The following DNAI4 variants were observed in gnomAD, a reference collection of about 807,000 sequenced individuals.
DNAI4 encodes dynein axonemal intermediate chain 4.
DNAI4 carries 85 observed loss-of-function variants against 105.8 expected under a neutral mutation model. That is an observed-to-expected ratio of 0.80 (90% CI 0.67 to 0.96). DNAI4 has a LOEUF of 0.96. Among genes scored for constraint, DNAI4 ranks in the 40% least tolerant of loss-of-function variants. The pLI is 0.00. For missense variants in DNAI4, 1,014 were observed against 1,005.6 expected (o/e 1.01, Z -0.11); for synonymous variants, 352 against 331.5 (o/e 1.06, Z -0.67).
chr1:66,888,518 C>T (rs544820669), intron 4 of DNAI4, among the ~76,000 whole-genome samples: 1 of 152,230 alleles, frequency 6.6e-6, no homozygotes, highest in East Asian at 1.9e-4. Flanking sequence ...CATGGTGAAA[C>T]CCCGTCTCTA....
At chr1:66,880,120 C>T (rs955147060) in intron 4 of DNAI4, among the ~76,000 whole-genome samples, 20 of 152,336 alleles carry the variant, frequency 1.3e-4, no homozygotes, top group Admixed American at 1.3e-3. Flanking sequence ...TCATCCTTGC[C>T]TTCTGGCATG....
chr1:66,838,299 A>G (rs1056577043), intron 9 of DNAI4, among the ~76,000 whole-genome samples: 2 of 152,184 alleles, frequency 1.3e-5, no homozygotes, highest in African/African-American at 4.8e-5. Flanking sequence ...ATGGGGTCCT[A>G]ATGTGACAGG....
chr1:66,893,057 G>GAAAGAAAA (rs1557965213), intron 3 of DNAI4, among the ~76,000 whole-genome samples, 172 bp downstream of exon 3: 1 of 91,340 alleles, frequency 1.1e-5, no homozygotes, highest in Non-Finnish European at 2.3e-5. Flanking sequence ...GAAAGAAAGA[G>GAAAGAAAA]AGAGAGAGAA....
At chr1:66,852,148 A>G (rs1009915729) in intron 7 of DNAI4, among the ~76,000 whole-genome samples, 4 of 151,864 alleles carry the variant, frequency 2.6e-5, no homozygotes, top group Non-Finnish European at 5.9e-5. Flanking sequence ...ACTTAGATAA[A>G]ATAAACCAAT....
intron 6 of DNAI4, among the ~76,000 whole-genome samples, chr1:66,868,942 G>T (rs1646785581): frequency 6.6e-6 from 1 of 151,774 alleles, no homozygotes; most frequent in African/African-American, 2.4e-5. Context: ...TGGGTGTGTT[G>T]GTGCGCCTGT....
At chr1:66,880,617 A>C (rs1331457744) in intron 4 of DNAI4, among the ~76,000 whole-genome samples, 1 of 152,230 alleles carries the variant, frequency 6.6e-6, no homozygotes, top group South Asian at 2.1e-4. Flanking sequence ...GAAGCATTCA[A>C]GAGGTGACTT....
intron 4 of DNAI4, among the ~76,000 whole-genome samples, chr1:66,882,753 A>T (rs1208144365): frequency 1.2e-4 from 18 of 150,570 alleles, no homozygotes; most frequent in African/African-American, 4.4e-4. Flanking sequence ...TTTTTTTTCC[A>T]GAGTTGGGCT....
chr1:66,905,179 C>A, intron 2 of DNAI4, 22 bp downstream of exon 2: 1 of 1,458,572 alleles, frequency 6.9e-7, no homozygotes, highest in Non-Finnish European at 9.2e-7. Context: ...TTCAAATAAA[C>A]TCAGAATTCT....
chr1:66,836,318 AAGAAAG>A (rs1646024778), intron 10 of DNAI4, among the ~76,000 whole-genome samples: 1 of 131,432 alleles, frequency 7.6e-6, no homozygotes, highest in Admixed American at 7.6e-5. Context: ...GAAAGAAAGA[AAGAAAG>A]AAGGAAAGAG....
intron 9 of DNAI4, among the ~76,000 whole-genome samples, chr1:66,839,701 T>C (rs1449936534): frequency 6.6e-6 from 1 of 152,182 alleles, no homozygotes; most frequent in Non-Finnish European, 1.5e-5. Flanking sequence ...TAATTATCTC[T>C]TTTTTACAAC....
At chr1:66,822,577 G>C in intron 15 of DNAI4, 60 bp from the exon 16 acceptor site, 1 of 1,333,618 alleles carries the variant, frequency 7.5e-7, no homozygotes, top group Non-Finnish European at 9.8e-7. Flanking sequence ...CTTTTAAATA[G>C]ACAAAGAAAA....
intron 8 of DNAI4, among the ~76,000 whole-genome samples, chr1:66,846,838 A>AT: frequency 6.6e-6 from 1 of 152,310 alleles, no homozygotes; most frequent in Middle Eastern, 3.4e-3. Context: ...TCATTCATGT[A>AT]TTTTTTAATA....
intron 1 of DNAI4, among the ~76,000 whole-genome samples, chr1:66,905,826 CAT>C (rs111960620): frequency 3.4e-4 from 51 of 151,870 alleles, no homozygotes; most frequent in African/African-American, 9.7e-4. Context: ...AGTAAGCACA[CAT>C]GAGTGTGTAG....
At chr1:66,833,821 T>C in intron 12 of DNAI4, 115 bp from the exon 13 acceptor site, 2 of 1,419,694 alleles carry the variant, frequency 1.4e-6, no homozygotes, top group Non-Finnish European at 1.9e-6. Flanking sequence ...CTTTTGCATG[T>C]AATTAGGCTA....
intron 10 of DNAI4, among the ~76,000 whole-genome samples, chr1:66,836,214 GAGAGAGAGAGAGAGAGAGAGAAAGAA>G (rs1645998042): frequency 1.0e-5 from 1 of 96,824 alleles, no homozygotes; most frequent in African/African-American, 3.8e-5. Flanking sequence ...GAAAGAGAGA[GAGAGAGAGAGAGAGAGAGAGAAAGAA>G]AGAAAGAGAG....
intron 5 of DNAI4, among the ~76,000 whole-genome samples, chr1:66,873,513 A>C (rs1398012666): frequency 6.6e-6 from 1 of 152,180 alleles, no homozygotes; most frequent in African/African-American, 2.4e-5. Flanking sequence ...GGCCTCCCAG[A>C]GTGCTGGGAT....
At chr1:66,867,827 C>A (rs559494590) in intron 6 of DNAI4, among the ~76,000 whole-genome samples, 1 of 152,250 alleles carries the variant, frequency 6.6e-6, no homozygotes, top group South Asian at 2.1e-4. Context: ...ATAGTTGGAA[C>A]TGCCAAAACA....
intron 15 of DNAI4, 77 bp from the exon 16 acceptor site, chr1:66,822,594 C>T: frequency 7.8e-7 from 1 of 1,275,612 alleles, no homozygotes; most frequent in Non-Finnish European, 1.0e-6. Flanking sequence ...AAAAATTTGA[C>T]ATTTTTTAAA....
chr1:66,847,387 G>A, intron 8 of DNAI4, 97 bp downstream of exon 8: 3 of 1,200,490 alleles, frequency 2.5e-6, no homozygotes, highest in Non-Finnish European at 3.5e-6. Context: ...TTGAACTCCT[G>A]GGCCCAAGCA....
Sources: allele counts gnomAD v4.1 joint callset (sites outside exome capture counted in the v4.1 genomes callset), GRCh38; gene constraint gnomAD v4.1.1; transcripts MANE v1.5; gene names NCBI Gene and HGNC (gene_info 2026-07-23, HGNC 2026-07-21).